EDDM3A: variants seen among roughly 807,000 people sequenced by gnomAD.
The protein encoded by EDDM3A is epididymal secretory protein E3-alpha.
For missense variants in EDDM3A, 199 were observed against 177.4 expected, an observed-to-expected ratio of 1.12 and a Z score of -0.69; for synonymous variants, 75 against 60.4, an observed-to-expected ratio of 1.24 and a Z score of -1.12.
chr14:20,739,725 G>T, the EDDM3A span, among the ~76,000 whole-genome samples: 6,256 of 152,202 alleles, frequency 0.041, 171 homozygotes, highest in Middle Eastern at 0.096. Flanking sequence ...ATAATACACT[G>T]AAAGGATTAA....
At chr14:20,738,818 G>T in the EDDM3A span, among the ~76,000 whole-genome samples, 1 of 152,182 alleles carries the variant, frequency 6.6e-6, no homozygotes, top group Admixed American at 6.5e-5. Context: ...AAAGGAAAAT[G>T]CATGTGGGGA....
upstream of EDDM3A, among the ~76,000 whole-genome samples, chr14:20,743,614 T>G (rs1877501616): frequency 6.9e-6 from 1 of 145,842 alleles, no homozygotes; most frequent in African/African-American, 2.8e-5. Flanking sequence ...CAATAAAGGA[T>G]GAACATAATT....
the EDDM3A span, among the ~76,000 whole-genome samples, chr14:20,740,011 G>A: frequency 2.0e-5 from 3 of 152,106 alleles, no homozygotes; most frequent in African/African-American, 7.2e-5. Context: ...TCAGAAGAAT[G>A]CACCTTTGGC....
chr14:20,743,322 G>A (rs1012697128), upstream of EDDM3A, among the ~76,000 whole-genome samples: 1 of 152,166 alleles, frequency 6.6e-6, no homozygotes, highest in East Asian at 1.9e-4. Flanking sequence ...GGCCAAGGCG[G>A]GTGGATCACC....
chr14:20,737,537 TAAG>T, the EDDM3A span, among the ~76,000 whole-genome samples: 1 of 152,194 alleles, frequency 6.6e-6, no homozygotes, highest in East Asian at 1.9e-4. Flanking sequence ...CTCAGTTCCT[TAAG>T]AAGGTTTCTA....
At chr14:20,743,180 A>G (rs1159085802), upstream of EDDM3A, among the ~76,000 whole-genome samples, 1 of 152,244 alleles carries the variant, frequency 6.6e-6, no homozygotes, top group Admixed American at 6.5e-5. Flanking sequence ...CATCCCCTGA[A>G]TGAGGAACCT....
chr14:20,739,922 G>C, the EDDM3A span, among the ~76,000 whole-genome samples: 2 of 152,050 alleles, frequency 1.3e-5, no homozygotes, highest in African/African-American at 2.4e-5. Flanking sequence ...CTCAAGAATT[G>C]CTTCAGGCAT....
chr14:20,747,372 C>T lies in EDDM3A; in HGVS notation c.-26-183C>T, dbSNP rs755771666. ...TTGGCCTCCCAAACTGCTGGGATTA[C>T]GGGTATAAGCCACTGTGCCCAGCCC... On this transcript the variant is annotated intron_variant, in intron 1 of 1. Transcript: ENST00000326842. Among the ~76,000 whole-genome samples the T allele has an allele frequency of 9.9e-5, 15 of 152,234 alleles. No individual in the cohort carries two copies. In the South Asian group the frequency reaches 1.2e-3, roughly 13 times the overall value.
At chr14:20,741,095 T>A (rs1877423026), upstream of EDDM3A, among the ~76,000 whole-genome samples, 1 of 152,146 alleles carries the variant, frequency 6.6e-6, no homozygotes, top group African/African-American at 2.4e-5. Context: ...TTCTTCTATA[T>A]CCTATATCCC....
the EDDM3A span, among the ~76,000 whole-genome samples, chr14:20,738,495 A>C: frequency 6.6e-6 from 1 of 151,372 alleles, no homozygotes; most frequent in African/African-American, 2.4e-5. Flanking sequence ...ATAAATAAAT[A>C]AATAAATAAA....
chr14:20,747,294 C>G (rs898532737), intron 1 of EDDM3A, among the ~76,000 whole-genome samples: 14 of 151,994 alleles, frequency 9.2e-5, no homozygotes, highest in Non-Finnish European at 1.9e-4. Context: ...TGGGGTTTCA[C>G]CATGTTGGCC....
chr14:20,744,636 T>G (rs746609902), upstream of EDDM3A, among the ~76,000 whole-genome samples: 9 of 152,202 alleles, frequency 5.9e-5, no homozygotes, highest in Non-Finnish European at 1.0e-4. Flanking sequence ...CAGTTTGAGC[T>G]GAGTTCAGGA....
chr14:20,744,257 G>A (rs912335436), upstream of EDDM3A, among the ~76,000 whole-genome samples: 8 of 152,206 alleles, frequency 5.3e-5, no homozygotes, highest in East Asian at 7.7e-4. Flanking sequence ...ACTATCTCCC[G>A]TCCATCCAGT....
At chr14:20,738,368 G>A in the EDDM3A span, among the ~76,000 whole-genome samples, 1 of 151,998 alleles carries the variant, frequency 6.6e-6, no homozygotes, top group East Asian at 1.9e-4. Flanking sequence ...CTACTCGGGG[G>A]GCTGAGGCAG....
At chr14:20,740,945 G>A (rs74034391), upstream of EDDM3A, among the ~76,000 whole-genome samples, 5,099 of 152,240 alleles carry the variant, frequency 0.033, 263 homozygotes, top group African/African-American at 0.12. Context: ...AGGTGTTGAC[G>A]CTGACACAGG....
chr14:20,736,967 A>T, the EDDM3A span, among the ~76,000 whole-genome samples: 3 of 147,394 alleles, frequency 2.0e-5, no homozygotes, highest in East Asian at 6.0e-4. Flanking sequence ...CTTGCCTTGG[A>T]CTCTCAAAGT....
chr14:20,743,699 A>G (rs2139078260), upstream of EDDM3A, among the ~76,000 whole-genome samples: 1 of 152,246 alleles, frequency 6.6e-6, no homozygotes, highest in Middle Eastern at 3.4e-3. Context: ...CTGCCCAAGG[A>G]GCTTCTGTTA....
the EDDM3A span, among the ~76,000 whole-genome samples, chr14:20,738,470 AAAATAAAT>A: frequency 5.5e-3 from 790 of 143,376 alleles, 7 homozygotes; most frequent in African/African-American, 0.017. Flanking sequence ...ACTCTGTCTC[AAAATAAAT>A]AAATAAATAA....
chr14:20,747,647 G>A lies in EDDM3A; in HGVS notation c.67G>A (p.Val23Ile). Reference sequence around the variant, plus strand: ...GCTTTGCATCCTTTGCAGGCTGTGTGTATACAGTAACAACATTTACTGGAG... The same window carrying A: ...GCTTTGCATCCTTTGCAGGCTGTGTATATACAGTAACAACATTTACTGGAG... The part of the protein sequence containing the change: ...ALLCILCRLC[V>I]YSNNIYWREF... Residue 23 changes from valine (V) to isoleucine (I), a missense_variant, in exon 2 of 2, where the codon GTA becomes ATA. By Grantham distance (29) the Val-to-Ile change is conservative (BLOSUM62 3). Coordinates refer to ENST00000326842, the MANE Select transcript of EDDM3A (RefSeq NM_006683.5). 1.9e-6 allele frequency: 3 copies of A among 1,614,096 alleles called. No individual in the cohort carries two copies. Among genetic ancestry groups the A allele is most frequent in the African/African-American group, 2.7e-5 (2 of 75,030 alleles).
Sources: gnomAD v4.1 joint callset for allele counts (sites outside exome capture counted in the v4.1 genomes callset) on GRCh38, gnomAD v4.1.1 for gene constraint, MANE v1.5 for transcripts, NCBI Gene and HGNC (gene_info 2026-07-23, HGNC 2026-07-21) for gene names.